Variants in PRH1 observed in about 807,000 individuals in gnomAD.
PRH1 encodes salivary acidic proline-rich phosphoprotein 1/2.
In PRH1, 7 loss-of-function variants were observed where a neutral mutation model predicts 7.9. The ratio of observed to expected loss-of-function variants is 0.89; its 90% confidence interval spans 0.50 to 1.67. The LOEUF (loss-of-function observed/expected upper bound fraction) is 1.67, where lower values mean the gene tolerates loss of function less well. Ranked by LOEUF, PRH1 falls within the 40% of genes most tolerant of loss-of-function variation. The pLI is 0.00. For missense variants in PRH1, 109 were observed against 223.6 expected, an observed-to-expected ratio of 0.49 and a Z score of 3.27; for synonymous variants, 45 against 80.8, an observed-to-expected ratio of 0.56 and a Z score of 2.38.
intron 1 of PRH1, among the ~76,000 whole-genome samples, chr12:11,040,430 C>T (rs935210984): frequency 6.6e-6 from 1 of 152,142 alleles, no homozygotes; most frequent in Non-Finnish European, 1.5e-5. Flanking sequence ...ATGGATGAAG[C>T]TGGAAATCAG....
chr12:10,920,561 C>G (rs950242926), intron 2 of PRH1, among the ~76,000 whole-genome samples: 1 of 151,874 alleles, frequency 6.6e-6, no homozygotes. Context: ...TTTTAATGGA[C>G]CAGTGCTGGT....
intron 1 of PRH1, among the ~76,000 whole-genome samples, chr12:11,151,869 T>C (rs918562702): frequency 6.6e-6 from 1 of 152,130 alleles, no homozygotes; most frequent in Non-Finnish European, 1.5e-5. Context: ...GTGAGTTGAT[T>C]ATCATAATAT....
At chr12:11,105,936 CTTTTTTTTTT>C (rs765916131) in intron 1 of PRH1, among the ~76,000 whole-genome samples, 2 of 94,964 alleles carry the variant, frequency 2.1e-5, no homozygotes, top group Non-Finnish European at 2.4e-5. Flanking sequence ...ATAACTTATT[CTTTTTTTTTT>C]TTTTTTTTTT....
intron 2 of PRH1, among the ~76,000 whole-genome samples, chr12:10,966,356 C>T (rs1328256922): frequency 1.3e-5 from 2 of 152,224 alleles, no homozygotes; most frequent in African/African-American, 4.8e-5. Context: ...AGTACACTCA[C>T]ATAGCTTGCT....
At chr12:10,909,348 G>A (rs1949861061) in intron 2 of PRH1, 1 of 1,317,746 alleles carries the variant, frequency 7.6e-7, no homozygotes, top group East Asian at 2.3e-5. Flanking sequence ...GTTATTCACT[G>A]ATCTAAAATG....
chr12:11,169,957 AG>A (rs1336033956), intron 1 of PRH1, among the ~76,000 whole-genome samples: 2 of 152,190 alleles, frequency 1.3e-5, no homozygotes, highest in African/African-American at 4.8e-5. Flanking sequence ...ATAGAAACAG[AG>A]GTACTCTAGG....
upstream of PRH1, chr12:11,048,184 AGATAGATAGAT>A (rs1942983087): frequency 8.3e-6 from 1 of 120,028 alleles, no homozygotes; most frequent in Non-Finnish European, 2.0e-5. Context: ...ATAGATAGAT[AGATAGATAGAT>A]GACTTTTCTA....
chr12:10,957,151 A>T (rs1938007124), intron 2 of PRH1, among the ~76,000 whole-genome samples: 1 of 152,144 alleles, frequency 6.6e-6, no homozygotes, highest in Admixed American at 6.6e-5. Context: ...GTATAACATT[A>T]CCTGACTGAA....
chr12:11,016,126 T>A (rs2136053461), intron 1 of PRH1, among the ~76,000 whole-genome samples: 1 of 152,350 alleles, frequency 6.6e-6, no homozygotes, highest in East Asian at 1.9e-4. Context: ...CATACCCACT[T>A]GGCCACTTTT....
At chr12:11,161,809 G>A (rs901057344) in intron 1 of PRH1, among the ~76,000 whole-genome samples, 1 of 152,136 alleles carries the variant, frequency 6.6e-6, no homozygotes, top group African/African-American at 2.4e-5. Context: ...CCACCAAAGT[G>A]AAAGAAAGAG....
intron 2 of PRH1, among the ~76,000 whole-genome samples, chr12:10,910,925 T>G (rs1007886475): frequency 1.3e-5 from 2 of 152,188 alleles, no homozygotes; most frequent in Non-Finnish European, 2.9e-5. Context: ...AATAATTGCA[T>G]CATCTTTAAT....
chr12:10,940,465 A>G (rs1950381286), intron 2 of PRH1, among the ~76,000 whole-genome samples: 1 of 152,212 alleles, frequency 6.6e-6, no homozygotes, highest in Non-Finnish European at 1.5e-5. Flanking sequence ...AAATCTATCT[A>G]TTGTCTCATA....
chr12:10,980,307 T>C (rs924728447), intron 1 of PRH1, among the ~76,000 whole-genome samples: 1 of 152,204 alleles, frequency 6.6e-6, no homozygotes, highest in Admixed American at 6.5e-5. Context: ...ATTCTATCTA[T>C]GTATTTCTTT....
intron 1 of PRH1, chr12:11,061,947 A>C: frequency 6.2e-7 from 1 of 1,614,024 alleles, no homozygotes; most frequent in Non-Finnish European, 8.5e-7. Flanking sequence ...GAAGAAAAAT[A>C]AGGTTGGAGA....
At chr12:10,997,782 A>C (rs1218418247) in intron 1 of PRH1, 3 of 1,613,684 alleles carry the variant, frequency 1.9e-6, no homozygotes, top group Non-Finnish European at 2.5e-6. Flanking sequence ...CAGGCAATGA[A>C]ATTTATCAGT....
chr12:11,126,685 A>C (rs1351982316), intron 1 of PRH1, among the ~76,000 whole-genome samples: 1 of 152,164 alleles, frequency 6.6e-6, no homozygotes, highest in Non-Finnish European at 1.5e-5. Flanking sequence ...ACTGATTTAC[A>C]ATTCTAGGAT....
chr12:11,062,380 T>C (rs1943649544), intron 1 of PRH1: 1 of 1,396,580 alleles, frequency 7.2e-7, no homozygotes, highest in Non-Finnish European at 9.6e-7. Flanking sequence ...TTAAATTCTA[T>C]ATGCACCTGA....
At chr12:11,134,492 C>G in intron 1 of PRH1, 1 of 493,128 alleles carries the variant, frequency 2.0e-6, no homozygotes, top group Non-Finnish European at 3.5e-6. Context: ...CTGACTCATT[C>G]ACCATCTGTT....
intron 1 of PRH1, among the ~76,000 whole-genome samples, chr12:10,975,007 A>C (rs1321395985): frequency 2.0e-5 from 3 of 152,234 alleles, no homozygotes; most frequent in Non-Finnish European, 2.9e-5. Context: ...AACACAATGG[A>C]AAGTATTCAC....
Sources: allele counts gnomAD v4.1 joint callset (sites outside exome capture counted in the v4.1 genomes callset), GRCh38; gene constraint gnomAD v4.1.1; transcripts MANE v1.5; gene names NCBI Gene and HGNC (gene_info 2026-07-23, HGNC 2026-07-21).